The following XYLB variants were observed in gnomAD, a reference collection of about 807,000 sequenced individuals.
XYLB encodes the protein xylulokinase, also known as xylulose kinase.
XYLB carries 62 observed loss-of-function variants against 78.7 expected under a neutral mutation model. The ratio of observed to expected loss-of-function variants is 0.79; its 90% confidence interval spans 0.64 to 0.97. The LOEUF (loss-of-function observed/expected upper bound fraction) is 0.97. Ranked by LOEUF, XYLB falls within the 50% of genes least tolerant of loss-of-function variation. XYLB has a pLI of 0.00. For synonymous variants in XYLB, 245 were observed against 247.4 expected (o/e 0.99, Z 0.09); for missense variants, 687 against 676.8 (o/e 1.02, Z -0.17).
the XYLB span, among the ~76,000 whole-genome samples, chr3:38,428,374 C>T: frequency 6.6e-6 from 1 of 152,102 alleles, no homozygotes; most frequent in Non-Finnish European, 1.5e-5. Flanking sequence ...ATGTCTTAAC[C>T]AATTTTCTAT....
the XYLB span, among the ~76,000 whole-genome samples, chr3:38,432,170 C>T: frequency 2.3e-3 from 350 of 152,290 alleles, 9 homozygotes; most frequent in East Asian, 0.058. Flanking sequence ...CAGCAGTCCC[C>T]GAAAGTCTGA....
At chr3:38,392,947 C>G (rs975775132) in intron 15 of XYLB, among the ~76,000 whole-genome samples, 2 of 152,112 alleles carry the variant, frequency 1.3e-5, no homozygotes, top group Admixed American at 1.3e-4. Context: ...ACAATTTTAC[C>G]TTCCACATTT....
the XYLB span, among the ~76,000 whole-genome samples, chr3:38,442,909 A>C: frequency 6.6e-6 from 1 of 152,042 alleles, no homozygotes; most frequent in Non-Finnish European, 1.5e-5. Context: ...CAATGCCCAG[A>C]CTTCAGTGTT....
intron 18 of XYLB, among the ~76,000 whole-genome samples, chr3:38,406,583 C>G (rs1210832704): frequency 6.6e-6 from 1 of 152,150 alleles, no homozygotes; most frequent in Non-Finnish European, 1.5e-5. Context: ...TCAAACTACT[C>G]TGAGCTACAG....
At chr3:38,446,692 G>T in the XYLB span, among the ~76,000 whole-genome samples, 3 of 152,164 alleles carry the variant, frequency 2.0e-5, no homozygotes, top group Non-Finnish European at 2.9e-5. Flanking sequence ...TCAATAAATA[G>T]TGCTGGGAAA....
chr3:38,417,749 G>A (rs1372226838), downstream of XYLB, among the ~76,000 whole-genome samples: 1 of 151,630 alleles, frequency 6.6e-6, no homozygotes, highest in African/African-American at 2.4e-5. Flanking sequence ...GCATGGTGGT[G>A]CATGCCTGTA....
the XYLB span, among the ~76,000 whole-genome samples, chr3:38,447,215 C>A: frequency 1.3e-5 from 2 of 151,396 alleles, no homozygotes; most frequent in Non-Finnish European, 3.0e-5. Flanking sequence ...TCAAAGCCAC[C>A]ATATAATTAT....
At chr3:38,419,578 T>TTATATATATATATA (rs67869604), downstream of XYLB, among the ~76,000 whole-genome samples, 743 of 68,188 alleles carry the variant, frequency 0.011, 32 homozygotes, top group African/African-American at 0.031. Context: ...TTATTTTTCT[T>TTATATATATATATA]TATATATATA....
intron 15 of XYLB, among the ~76,000 whole-genome samples, chr3:38,387,580 C>T (rs1356938207): frequency 1.3e-5 from 2 of 152,166 alleles, no homozygotes; most frequent in Non-Finnish European, 2.9e-5. Flanking sequence ...CCATGTTAGG[C>T]AGGCTGGTCT....
At chr3:38,438,530 A>G in the XYLB span, among the ~76,000 whole-genome samples, 1 of 152,216 alleles carries the variant, frequency 6.6e-6, no homozygotes, top group Non-Finnish European at 1.5e-5. Flanking sequence ...AGGAACCAAA[A>G]AGAGCCTGAA....
chr3:38,374,888 C>T (rs1268135531), intron 11 of XYLB, among the ~76,000 whole-genome samples: 1 of 152,170 alleles, frequency 6.6e-6, no homozygotes, highest in Non-Finnish European at 1.5e-5. Flanking sequence ...AACCAGCCAT[C>T]ACCCAAACCA....
rs750442756 is a variant in XYLB at position 38,376,963 on chromosome 3, G to C, written c.1166G>C (p.Arg389Pro). 26 of 1,613,894 alleles carry C rather than the reference G, an allele frequency of 1.6e-5. No individual in the cohort carries two copies. Among genetic ancestry groups the C allele is most frequent in the Non-Finnish European group, 2.1e-5 (25 of 1,179,970 alleles). Reference protein sequence around the residue: ...VMEITPEIIGRHRFNTENHKV... With the variant: ...VMEITPEIIGPHRFNTENHKV... Reference sequence around the variant, plus strand: ...GAGATCACCCCTGAAATTATTGGACGTCATAGGTTTAACACAGAAAACCAC... The same window carrying C: ...GAGATCACCCCTGAAATTATTGGACCTCATAGGTTTAACACAGAAAACCAC... Residue 389 changes from arginine (R) to proline (P), a missense_variant, in exon 14 of 19, where the codon CGT becomes CCT. Physicochemically the swap from Arg to Pro is moderately radical, Grantham distance 103. Transcript: ENST00000207870.
At chr3:38,447,339 T>G in the XYLB span, among the ~76,000 whole-genome samples, 1 of 152,186 alleles carries the variant, frequency 6.6e-6, no homozygotes, top group Non-Finnish European at 1.5e-5. Context: ...GGTCTCACTC[T>G]GTTGCCCAGG....
intron 15 of XYLB, among the ~76,000 whole-genome samples, chr3:38,389,476 G>A (rs1707552160): frequency 6.6e-6 from 1 of 152,222 alleles, no homozygotes; most frequent in Non-Finnish European, 1.5e-5. Flanking sequence ...TCCCAGATGG[G>A]GTGGTGGCCG....
At chr3:38,451,786 C>A in the XYLB span, 4 of 152,216 alleles carry the variant, frequency 2.6e-5, no homozygotes, top group Non-Finnish European at 5.9e-5. Flanking sequence ...ATGAGGACTT[C>A]TGCTTTGGCT....
At chr3:38,419,590 AT>A (rs1559628727), downstream of XYLB, among the ~76,000 whole-genome samples, 3 of 118,490 alleles carry the variant, frequency 2.5e-5, 1 homozygote, top group Admixed American at 8.8e-5. Flanking sequence ...ATATATATAT[AT>A]ATATATATAT....
rs2234606 is a variant in XYLB at position 38,365,148 on chromosome 3, C to G, written c.292-51C>G. On this transcript the variant is annotated intron_variant, in intron 4 of 18. Transcript: ENST00000207870. ...GGGGTCTTTCTGTGTCTTCAGGAGG[C>G]TGTGACACTGGTGTGTGGTCATGTG... 5.2e-4 allele frequency: 817 copies of G among 1,562,514 alleles called. 5 individuals are homozygous for G. The African/African-American group carries it at 0.01, about 20-fold the overall frequency.
chr3:38,445,110 A>G, the XYLB span, among the ~76,000 whole-genome samples: 1 of 152,128 alleles, frequency 6.6e-6, no homozygotes, highest in Admixed American at 6.5e-5. Flanking sequence ...CCTTTCCTAT[A>G]AAGATGATAT....
chr3:38,370,267 C>CACACACACACACACAG, intron 9 of XYLB, 93 bp downstream of exon 9: 1 of 879,024 alleles, frequency 1.1e-6, no homozygotes, highest in East Asian at 2.4e-5. Flanking sequence ...CACACACACA[C>CACACACACACACACAG]TCTGCACACA....
Sources: allele counts gnomAD v4.1 joint callset (sites outside exome capture counted in the v4.1 genomes callset), GRCh38; gene constraint gnomAD v4.1.1; transcripts MANE v1.5; gene names NCBI Gene and HGNC (gene_info 2026-07-23, HGNC 2026-07-21).